Variants in C4BPB observed in about 807,000 individuals in gnomAD.
C4BPB encodes complement component 4 binding protein beta, also known as C4b-binding protein beta chain.
Under a neutral mutation model 26.6 loss-of-function variants are expected in C4BPB, and 19 were observed. That is an observed-to-expected ratio of 0.71 (90% CI 0.50 to 1.05). The LOEUF is 1.05. Among genes scored for constraint, C4BPB ranks in the 50% least tolerant of loss-of-function variants. The pLI is 0.00. For synonymous variants in C4BPB, 118 were observed against 103.5 expected, an observed-to-expected ratio of 1.14 and a Z score of -0.85; for missense variants, 282 against 302.9, an observed-to-expected ratio of 0.93 and a Z score of 0.51.
Position 207,090,500 on chromosome 1 carries a change from T to C in C4BPB, c.232+19T>C. ...TGCCGCTGTAAGTTAGATCTTTCTG[T>C]ATCTTTGCCCATATTGATATCCTGT... On this transcript the variant is annotated intron_variant, in intron 3 of 6. Transcript: ENST00000367078. 6.3e-7 allele frequency: 1 copy of C among 1,584,754 alleles called. No homozygotes were observed. Among genetic ancestry groups the C allele is most frequent in the Non-Finnish European group, 8.6e-7 (1 of 1,164,388 alleles).
chr1:207,091,165 T>C (rs1684009359), intron 3 of C4BPB, among the ~76,000 whole-genome samples: 1 of 152,240 alleles, frequency 6.6e-6, no homozygotes, highest in African/African-American at 2.4e-5. Context: ...AGCACACCGA[T>C]ATTATTATCC....
In C4BPB at chr1:207,098,206, C is replaced by A; in HGVS notation, c.560C>A (p.Ala187Glu). Residue 187 changes from alanine (A) to glutamate (E), a missense_variant, in exon 6 of 7, where the codon GCA becomes GAA. Transcript: ENST00000367078. ...QQCVDGEWSS[A>E]LPVCKLIQEA... ...TGCGTTGATGGGGAGTGGAGCAGTG[C>A]ACTTCCAGTCTGCAAGTTGATCCAG... is the stretch of plus-strand genomic sequence containing the variant. 1 of 1,614,070 alleles carries A rather than the reference C, an allele frequency of 6.2e-7. No homozygotes were observed. The highest frequency in any genetic ancestry group is 8.5e-7 in the Non-Finnish European group (1 of 1,179,906).
intron 4 of C4BPB, chr1:207,095,780 CATCTCCCTAGGT>C: frequency 3.5e-6 from 1 of 283,942 alleles, no homozygotes; most frequent in Non-Finnish European, 6.9e-6. Context: ...GGTCTAGCAC[CATCTCCCTAGGT>C]ACTGTCCTCA....
chr1:207,096,113 G>C (rs1005308818), intron 4 of C4BPB: 6 of 229,626 alleles, frequency 2.6e-5, no homozygotes, highest in Non-Finnish European at 4.3e-5. Flanking sequence ...GGGGATGTCA[G>C]CTTCCACTTG....
Position 207,099,784 on chromosome 1 carries a change from T to G in C4BPB, c.619-5T>G, listed in dbSNP as rs754993390. Reference sequence around the variant, plus strand: ...TGTAACTTGTGAAAAATTTTCTTTCTTCAGCTTGCCTTTCAGGAGAGTAAG... The same window carrying G: ...TGTAACTTGTGAAAAATTTTCTTTCGTCAGCTTGCCTTTCAGGAGAGTAAG... On this transcript the variant is annotated splice_polypyrimidine_tract_variant and splice_region_variant and intron_variant, in intron 6 of 6. Transcript: ENST00000367078. 1.4e-5 allele frequency: 22 copies of G among 1,607,872 alleles called. No individual in the cohort carries two copies. The highest frequency in any genetic ancestry group is 1.9e-5 in the Non-Finnish European group (22 of 1,178,182).
rs370844072 is a variant in C4BPB, at chr1:207,096,511, G to C, written c.410-11G>C. The C allele has an allele frequency of 6.5e-7, 1 of 1,547,786 alleles. No individual in the cohort carries two copies. Among genetic ancestry groups the C allele is most frequent in the South Asian group, 1.1e-5 (1 of 89,590 alleles). The stretch of plus-strand genomic sequence containing the variant: ...CCTCATAACTATGACTTCTATACTC[G>C]TTTCTCTCAGGGGACTGTGACCCTC... On this transcript the variant is annotated splice_polypyrimidine_tract_variant and intron_variant, in intron 4 of 6. Transcript: ENST00000367078.
chr1:207,092,842 G>T (rs1684090458), intron 4 of C4BPB, among the ~76,000 whole-genome samples: 1 of 151,932 alleles, frequency 6.6e-6, no homozygotes, highest in South Asian at 2.1e-4. Context: ...GGCCAGACTG[G>T]TCTTGAACTC....
At chr1:207,096,440 C>A in intron 4 of C4BPB, 82 bp from the exon 5 acceptor site, 1 of 830,526 alleles carries the variant, frequency 1.2e-6, no homozygotes, top group Non-Finnish European at 2.1e-6. Context: ...CAGGTGCTGG[C>A]ATAAACAGCT....
At chr1:207,096,376 C>A in intron 4 of C4BPB, 146 bp from the exon 5 acceptor site, 1 of 661,612 alleles carries the variant, frequency 1.5e-6, no homozygotes, top group Non-Finnish European at 2.7e-6. Flanking sequence ...CCAGATCCCG[C>A]AGGTGTTGCT....
intron 6 of C4BPB, 83 bp from the exon 7 acceptor site, chr1:207,099,706 C>G: frequency 3.4e-6 from 4 of 1,184,234 alleles, no homozygotes; most frequent in Non-Finnish European, 3.5e-6. Context: ...ATTCAGAGAG[C>G]TAACTGCTGC....
chr1:207,097,240 TC>T (rs1389357260), intron 5 of C4BPB, among the ~76,000 whole-genome samples: 7 of 152,162 alleles, frequency 4.6e-5, no homozygotes, highest in Admixed American at 4.6e-4. Context: ...TGAGACAGTG[TC>T]TCCCTCTGTC....
intron 4 of C4BPB, among the ~76,000 whole-genome samples, chr1:207,093,090 A>G (rs1461153275): frequency 2.0e-5 from 3 of 152,226 alleles, no homozygotes; most frequent in African/African-American, 7.2e-5. Context: ...TTCATTTTCT[A>G]TTAATAATTG....
At chr1:207,090,097 C>A (rs1683963023) in intron 2 of C4BPB, among the ~76,000 whole-genome samples, 2 of 152,204 alleles carry the variant, frequency 1.3e-5, no homozygotes, top group South Asian at 4.1e-4. Flanking sequence ...CAGTGAAACC[C>A]CGTCTCTGCT....
chr1:207,095,669 G>A (rs1684221363), intron 4 of C4BPB: 1 of 340,482 alleles, frequency 2.9e-6, no homozygotes, highest in East Asian at 8.2e-5. Flanking sequence ...TAGTTTGGAT[G>A]TGTGTTCCTG....
intron 5 of C4BPB, among the ~76,000 whole-genome samples, chr1:207,097,201 G>GT (rs532804581): frequency 2.3e-4 from 35 of 151,928 alleles, no homozygotes; most frequent in African/African-American, 7.7e-4. Flanking sequence ...AAATGTATGG[G>GT]TTTTTTGTTT....
chr1:207,093,151 A>C (rs1389146643), intron 4 of C4BPB, among the ~76,000 whole-genome samples: 6 of 152,312 alleles, frequency 3.9e-5, no homozygotes, highest in Admixed American at 2.0e-4. Flanking sequence ...ATCTATATGA[A>C]AATTTACTGA....
rs544269304 is a variant in C4BPB at position 207,091,941 on chromosome 1, T to A, written c.409+121T>A. The A allele has an allele frequency of 1.3e-4, 102 of 801,864 alleles. 1 individual carries two copies. In the South Asian group the frequency reaches 1.9e-3, roughly 15 times the overall value. The allele number at this position is 801,864 out of a possible 1,614,324, so 49.7% of individuals were successfully genotyped here. ...TTGTATCAGAGACAGGCTTAAGATC[T>A]AGCAGACAGCCATGAAACAAGTGGA... is the stretch of plus-strand genomic sequence containing the variant. On this transcript the variant is annotated intron_variant, in intron 4 of 6. Coordinates refer to ENST00000367078, the MANE Select transcript of C4BPB (RefSeq NM_001017365.3).
At chr1:207,098,455 C>G (rs1166637003) in intron 6 of C4BPB, among the ~76,000 whole-genome samples, 191 bp downstream of exon 6, 1 of 152,160 alleles carries the variant, frequency 6.6e-6, no homozygotes, top group Non-Finnish European at 1.5e-5. Flanking sequence ...GTTGGAAGTT[C>G]CCATTCACTA....
intron 1 of C4BPB, chr1:207,089,198 G>A (rs1331998556): frequency 6.6e-6 from 2 of 301,702 alleles, no homozygotes; most frequent in Non-Finnish European, 1.2e-5. Context: ...GTTGGGGAAG[G>A]ATAAGCCTGC....
Sources: gnomAD v4.1 joint callset for allele counts (sites outside exome capture counted in the v4.1 genomes callset) on GRCh38, gnomAD v4.1.1 for gene constraint, MANE v1.5 for transcripts, NCBI Gene and HGNC (gene_info 2026-07-23, HGNC 2026-07-21) for gene names.